The following KYNU variants were observed in gnomAD, a reference collection of about 807,000 sequenced individuals.
The protein encoded by KYNU is kynureninase, also known as L-kynurenine hydrolase.
Under a neutral mutation model 59.2 loss-of-function variants are expected in KYNU, and 54 were observed. That is an observed-to-expected ratio of 0.91 (90% confidence interval 0.73 to 1.14). The LOEUF (loss-of-function observed/expected upper bound fraction) is 1.14. KYNU is among the 50% of genes most tolerant of loss of function. KYNU has a pLI of 0.00. For missense variants in KYNU, 567 were observed against 554.4 expected (o/e 1.02, Z -0.23); for synonymous variants, 177 against 192.0 (o/e 0.92, Z 0.65).
At chr2:143,005,720 A>T (rs1685858041) in intron 10 of KYNU, among the ~76,000 whole-genome samples, 2 of 152,052 alleles carry the variant, frequency 1.3e-5, no homozygotes, top group African/African-American at 2.4e-5. Flanking sequence ...AGGTTGGTGC[A>T]AAAGTAATTG....
intron 1 of KYNU, chr2:142,879,462 G>C (rs935256774): frequency 6.6e-6 from 1 of 152,198 alleles, no homozygotes; most frequent in Non-Finnish European, 1.5e-5. Context: ...GTCCTTTGCA[G>C]CTTAAGTGTA....
In KYNU at chr2:143,042,147, T is replaced by C; in HGVS notation, c.1373T>C (p.Leu458Pro). 6.2e-7 allele frequency: 1 copy of C among 1,610,230 alleles called. No individual in the cohort carries two copies. The highest frequency in any genetic ancestry group is 8.5e-7 in the Non-Finnish European group (1 of 1,178,480). ...TTTACCAATCTGCTCACTTCTATAC[T>C]TGACTCTGCAGAAACAAAAAATTAG... Reference protein sequence around the residue: ...YKFTNLLTSILDSAETKN With the variant: ...YKFTNLLTSIPDSAETKN Residue 458 changes from leucine (L) to proline (P), a missense_variant, in exon 14 of 14, where the codon CTT becomes CCT. Transcript: ENST00000264170.
In KYNU at chr2:143,047,033, A is replaced by G. The variant is rs1190252808; in HGVS notation, c.*4861A>G. 2.0e-5 allele frequency: 3 copies of G among 152,090 alleles called. No individual in the cohort carries two copies. The highest frequency in any genetic ancestry group is 2.9e-5 in the Non-Finnish European group (2 of 68,010). 9.4% of individuals were successfully genotyped at this position (152,090 alleles called of 1,614,324 possible). A position where few individuals can be genotyped will look rare whatever the true frequency, so the allele number is the denominator to read the frequency against. ...TTTATAGTTTGACAAATTCCTAAGT[A>G]CTTCTAATTTTATTGTCATTCCACA... is the stretch of plus-strand genomic sequence containing the variant. On this transcript the variant is annotated 3_prime_UTR_variant, in exon 14 of 14. Coordinates refer to ENST00000264170, the MANE Select transcript of KYNU (RefSeq NM_003937.3).
rs537016489 is a variant in KYNU at position 143,049,573 on chromosome 2, C to G, written c.*7401C>G. 6 of 152,324 alleles carry G rather than the reference C, an allele frequency of 3.9e-5. No individual in the cohort carries two copies. Among genetic ancestry groups the G allele is most frequent in the African/African-American group, 1.4e-4 (6 of 41,576 alleles). 9.4% of individuals were successfully genotyped at this position (152,324 alleles called of 1,614,324 possible). A position where few individuals can be genotyped will look rare whatever the true frequency, so the allele number is the denominator to read the frequency against. ...GACCATGACTAGAAGTTTCCTGAGA[C>G]CATCCCTTGCCCAGCTCTTTTGGTG... On this transcript the variant is annotated 3_prime_UTR_variant, in exon 14 of 14. Coordinates refer to ENST00000264170, the MANE Select transcript of KYNU (RefSeq NM_003937.3).
chr2:142,966,466 G>A (rs1169953538), intron 8 of KYNU, among the ~76,000 whole-genome samples: 1 of 152,152 alleles, frequency 6.6e-6, no homozygotes, highest in Non-Finnish European at 1.5e-5. Flanking sequence ...CTCAGTCCAT[G>A]ACCTTTTCTG....
chr2:142,961,854 T>C (rs532683398), intron 8 of KYNU, among the ~76,000 whole-genome samples: 1 of 152,210 alleles, frequency 6.6e-6, no homozygotes, highest in Admixed American at 6.5e-5. Flanking sequence ...AATGTGACAA[T>C]TGAATTTTAT....
chr2:142,889,992 G>T (rs1470683305), intron 2 of KYNU, among the ~76,000 whole-genome samples: 1 of 151,692 alleles, frequency 6.6e-6, no homozygotes, highest in Admixed American at 6.6e-5. Context: ...ATTAAAATAA[G>T]TACTTTCATT....
At chr2:142,902,399 G>C (rs1316153380) in intron 2 of KYNU, among the ~76,000 whole-genome samples, 1 of 152,124 alleles carries the variant, frequency 6.6e-6, no homozygotes, top group African/African-American at 2.4e-5. Flanking sequence ...TTTTGCTTTA[G>C]GAGTCCATTT....
intron 2 of KYNU, among the ~76,000 whole-genome samples, chr2:142,903,270 G>A (rs1213535387): frequency 1.3e-5 from 2 of 151,960 alleles, no homozygotes; most frequent in Admixed American, 6.6e-5. Context: ...ACTAGAACAC[G>A]ACGGGCATTA....
intron 10 of KYNU, 104 bp from the exon 11 acceptor site, chr2:143,029,523 T>G (rs920992950): frequency 1.4e-6 from 1 of 738,702 alleles, no homozygotes; most frequent in South Asian, 1.4e-5. Context: ...GAGGCAGAGG[T>G]GGCAGTGAGC....
intron 2 of KYNU, among the ~76,000 whole-genome samples, chr2:142,896,005 C>CT (rs1219788111): frequency 6.6e-6 from 1 of 152,166 alleles, no homozygotes; most frequent in Non-Finnish European, 1.5e-5. Context: ...TCTTTCTCTT[C>CT]TTTTTTTCCT....
intron 10 of KYNU, chr2:142,988,850 C>G (rs560255056): frequency 1.2e-6 from 2 of 1,604,660 alleles, no homozygotes; most frequent in South Asian, 1.1e-5. Context: ...ATTAGGAGAT[C>G]GGAGTTCTTT....
At chr2:142,917,139 C>A (rs910512609) in intron 2 of KYNU, among the ~76,000 whole-genome samples, 6 of 152,058 alleles carry the variant, frequency 3.9e-5, no homozygotes, top group African/African-American at 1.4e-4. Context: ...GACTGGTGTA[C>A]ATTAATCCTG....
At chr2:142,989,491 C>T (rs1312166277) in intron 10 of KYNU, 3 of 984,636 alleles carry the variant, frequency 3.0e-6, no homozygotes, top group Non-Finnish European at 2.4e-6. Context: ...AAAAGGGTGA[C>T]ATCTAGTGGC....
intron 10 of KYNU, among the ~76,000 whole-genome samples, chr2:143,024,693 A>AT (rs1381002741): frequency 6.6e-6 from 1 of 152,052 alleles, no homozygotes; most frequent in Non-Finnish European, 1.5e-5. Flanking sequence ...AAATCCAATA[A>AT]TTTTAATAGG....
chr2:142,991,154 T>C (rs1685387363), intron 10 of KYNU, among the ~76,000 whole-genome samples: 2 of 151,956 alleles, frequency 1.3e-5, no homozygotes, highest in Non-Finnish European at 2.9e-5. Context: ...CTTTTGCACA[T>C]TTGTTCAGGG....
At chr2:142,947,398 C>G in intron 4 of KYNU, 2 of 644,180 alleles carry the variant, frequency 3.1e-6, no homozygotes, top group Middle Eastern at 4.4e-4. Context: ...TTGAAGACAT[C>G]GGAATAAAAG....
At position 143,043,942 on chromosome 2, in the gene KYNU, C is replaced by A. The variant is rs554447846; in HGVS notation, c.*1770C>A. On this transcript the variant is annotated 3_prime_UTR_variant, in exon 14 of 14. Transcript: ENST00000264170. The stretch of plus-strand genomic sequence containing the variant: ...TGGTGGATTGCTGCACCCATCAACC[C>A]GTCATCTACATCAGGTATTTCTCCT... 6.6e-6 allele frequency: 1 copy of A among 151,450 alleles called. No homozygotes were observed. The highest frequency in any genetic ancestry group is 6.6e-5 in the Admixed American group (1 of 15,126). The allele number at this position is 151,450 out of a possible 1,614,324, so 9.4% of individuals were successfully genotyped here. A position where few individuals can be genotyped will look rare whatever the true frequency, so the allele number is the denominator to read the frequency against.
chr2:142,972,813 T>TATATAGAGAGAGAG (rs1478067181), intron 8 of KYNU, among the ~76,000 whole-genome samples: 1 of 124,202 alleles, frequency 8.1e-6, no homozygotes, highest in South Asian at 2.8e-4. Context: ...TATATATATA[T>TATATAGAGAGAGAG]AGAGAGAGAG....
Sources: allele counts gnomAD v4.1 joint callset (sites outside exome capture counted in the v4.1 genomes callset), GRCh38; gene constraint gnomAD v4.1.1; transcripts MANE v1.5; gene names NCBI Gene and HGNC (gene_info 2026-07-23, HGNC 2026-07-21).